The following C9 variants were observed in gnomAD, a reference collection of about 807,000 sequenced individuals.
C9 encodes the protein complement C9.
A neutral mutation model predicts 65.4 loss-of-function variants in C9; 63 were observed. The ratio of observed to expected loss-of-function variants is 0.96; its 90% CI spans 0.79 to 1.19. The LOEUF (loss-of-function observed/expected upper bound fraction) is 1.19, where lower values mean the gene tolerates loss of function less well. Among genes scored for constraint, C9 ranks in the 50% most tolerant of loss-of-function variants. C9 has a pLI of 0.00. For missense variants in C9, 744 were observed against 670.1 expected (o/e 1.11, Z -1.22); for synonymous variants, 229 against 227.9 (o/e 1.00, Z -0.04).
intron 4 of C9, among the ~76,000 whole-genome samples, chr5:39,337,865 A>G (rs747531228): frequency 2.6e-5 from 4 of 152,244 alleles, no homozygotes; most frequent in Non-Finnish European, 5.9e-5. Context: ...ATTAATTACC[A>G]TGAGTGCTTG....
intron 10 of C9, 43 bp from the exon 11 acceptor site, chr5:39,285,276 AT>A: frequency 6.5e-7 from 1 of 1,545,382 alleles, no homozygotes; most frequent in Non-Finnish European, 8.9e-7. Flanking sequence ...CATCAATAGG[AT>A]TTTACTTTGG....
At chr5:39,307,368 A>G (rs937788390) in intron 8 of C9, among the ~76,000 whole-genome samples, 6 of 152,188 alleles carry the variant, frequency 3.9e-5, no homozygotes, top group Admixed American at 2.6e-4. Flanking sequence ...AATTTTTGTC[A>G]TCCCCTCTTC....
intron 10 of C9, among the ~76,000 whole-genome samples, chr5:39,287,973 A>C (rs1317314749): frequency 6.6e-6 from 1 of 151,988 alleles, no homozygotes; most frequent in Admixed American, 6.6e-5. Context: ...CTTTAAATTC[A>C]TAATAAAAAT....
At chr5:39,341,314 G>T (rs770956901) in intron 3 of C9, 21 bp from the exon 4 acceptor site, 41 of 1,612,980 alleles carry the variant, frequency 2.5e-5, no homozygotes, top group Non-Finnish European at 3.3e-5. Context: ...AATCAGGAGA[G>T]ACTCAATGTA....
At chr5:39,306,885 T>G (rs1753391287) in intron 8 of C9, 93 bp from the exon 9 acceptor site, 2 of 843,800 alleles carry the variant, frequency 2.4e-6, no homozygotes, top group Admixed American at 4.0e-5. Context: ...TATTGAGTCC[T>G]TTTAGTAAAA....
intron 2 of C9, among the ~76,000 whole-genome samples, 156 bp downstream of exon 2, chr5:39,341,935 C>G (rs761154810): frequency 6.6e-6 from 1 of 152,156 alleles, no homozygotes; most frequent in Admixed American, 6.5e-5. Context: ...TAAAGATTTC[C>G]TGGAAAAGTT....
At chr5:39,341,114 T>G (rs762976445) in intron 4 of C9, 32 bp downstream of exon 4, 3 of 1,612,380 alleles carry the variant, frequency 1.9e-6, no homozygotes, top group South Asian at 1.1e-5. Flanking sequence ...TTCACTCATT[T>G]TCATCTGAAA....
At chr5:39,349,024 G>A in intron 1 of C9, among the ~76,000 whole-genome samples, 1 of 151,190 alleles carries the variant, frequency 6.6e-6, no homozygotes, top group Admixed American at 6.6e-5. Context: ...CATGTTGTGG[G>A]GTGGGGGGGA....
At chr5:39,325,254 C>A (rs1422222637) in intron 5 of C9, among the ~76,000 whole-genome samples, 1 of 152,218 alleles carries the variant, frequency 6.6e-6, no homozygotes, top group African/African-American at 2.4e-5. Flanking sequence ...AGGCACCCCT[C>A]TGCCAGAACC....
At chr5:39,293,513 T>C (rs1410106119) in intron 9 of C9, among the ~76,000 whole-genome samples, 1 of 151,902 alleles carries the variant, frequency 6.6e-6, no homozygotes, top group Non-Finnish European at 1.5e-5. Flanking sequence ...CAAGAAAATA[T>C]AACAATTTTA....
rs558104059 is a variant in C9, at chr5:39,343,241, C to T, written c.78-1045G>A. On this transcript the variant is annotated intron_variant, in intron 1 of 10. Coordinates refer to ENST00000263408, the MANE Select transcript of C9 (RefSeq NM_001737.5). ...AAGCAGGGCAAGGCATCGCCTCACC[C>T]GGGAAGTGCAAGGGGTCAGGGAATT... is the stretch of plus-strand genomic sequence containing the variant. Among the ~76,000 whole-genome samples the T allele has an allele frequency of 7.9e-5, 12 of 152,276 alleles. No homozygotes were observed. The South Asian group carries it at 1.0e-3, about 13-fold the overall frequency.
At position 39,287,322 on chromosome 5, in the gene C9, A is replaced by G. The variant is rs556719718; in HGVS notation, c.1645+1401T>C. ...TCCTCTAGGATTTTTATAGTTTCAG[A>G]TCTTACATGTAAGTCTTTAATCTAT... On this transcript the variant is annotated intron_variant, in intron 10 of 10. Coordinates refer to ENST00000263408, the MANE Select transcript of C9 (RefSeq NM_001737.5). 1.4e-3 allele frequency among the ~76,000 whole-genome samples: 211 copies of G among 152,082 alleles called. 2 individuals carry two copies. Among genetic ancestry groups the G allele is most frequent in the South Asian group, 0.013 (61 of 4,826 alleles).
At chr5:39,302,099 T>A (rs964106331) in intron 9 of C9, among the ~76,000 whole-genome samples, 1 of 151,876 alleles carries the variant, frequency 6.6e-6, no homozygotes, top group Non-Finnish European at 1.5e-5. Context: ...GTTGGAAGAG[T>A]TAAAGATGAA....
Position 39,315,843 on chromosome 5 carries a change from C to T in C9, c.802G>A (p.Gly268Ser). The part of the protein sequence containing the change: ...TASSISLHGK[G>S]SFRFSYSKNE... ...TTGGAATATGAAAACCGAAAACTAC[C>T]CTTGCCATGTAAAGAAATTGAGGAG... The change falls in exon 6 of 11, where the codon GGT becomes AGT. Residue 268 changes from glycine (G) to serine (S), a missense_variant. Physicochemically the swap from Gly to Ser is moderately conservative, Grantham distance 56. Transcript: ENST00000263408. 1.9e-6 allele frequency: 3 copies of T among 1,611,112 alleles called. No homozygotes were observed. Among genetic ancestry groups the T allele is most frequent in the Non-Finnish European group, 2.5e-6 (3 of 1,177,526 alleles).
intron 5 of C9, 87 bp downstream of exon 5, chr5:39,331,589 A>T: frequency 9.2e-7 from 1 of 1,081,130 alleles, no homozygotes; most frequent in Non-Finnish European, 1.4e-6. Flanking sequence ...TATTCTACTG[A>T]GTTTTTCACA....
chr5:39,285,316 T>C (rs1319478335), intron 10 of C9, 83 bp from the exon 11 acceptor site: 22 of 1,028,426 alleles, frequency 2.1e-5, no homozygotes, highest in Middle Eastern at 2.0e-4. Context: ...TTTTTCACCT[T>C]CTTATCCTCT....
chr5:39,338,996 G>T (rs1754018658), intron 4 of C9, among the ~76,000 whole-genome samples: 1 of 152,142 alleles, frequency 6.6e-6, no homozygotes, highest in African/African-American at 2.4e-5. Context: ...CATATGTTAA[G>T]CTGTTTTATT....
intron 7 of C9, 23 bp from the exon 8 acceptor site, chr5:39,308,381 A>G: frequency 2.6e-6 from 4 of 1,548,976 alleles, no homozygotes; most frequent in Non-Finnish European, 3.6e-6. Flanking sequence ...TTTATTTGAA[A>G]ATTATTAGAT....
chr5:39,353,298 G>A (rs1037018947), intron 1 of C9, among the ~76,000 whole-genome samples: 1 of 152,188 alleles, frequency 6.6e-6, no homozygotes, highest in Non-Finnish European at 1.5e-5. Flanking sequence ...TAATAAATTT[G>A]TGTTTTAAGC....
Sources: gnomAD v4.1 joint callset for allele counts (sites outside exome capture counted in the v4.1 genomes callset) on GRCh38, gnomAD v4.1.1 for gene constraint, MANE v1.5 for transcripts, NCBI Gene and HGNC (gene_info 2026-07-23, HGNC 2026-07-21) for gene names.